Variants in JMJD1C observed in about 807,000 individuals in gnomAD.
JMJD1C encodes the protein jumonji domain-containing protein 1C.
JMJD1C carries 31 observed loss-of-function variants against 245.3 expected under a neutral mutation model. That is an observed-to-expected ratio of 0.13 (90% CI 0.09 to 0.17). The LOEUF (loss-of-function observed/expected upper bound fraction) is 0.17. JMJD1C is among the 10% of genes least tolerant of loss of function. The pLI, the probability that JMJD1C is intolerant of heterozygous loss-of-function variation, is 1.00. For missense variants in JMJD1C, 2,691 were observed against 3,000.2 expected (o/e 0.90, Z 2.41); for synonymous variants, 1,057 against 1,017.4 (o/e 1.04, Z -0.74).
At chr10:63,347,739 G>A (rs1943979116) in intron 2 of JMJD1C, among the ~76,000 whole-genome samples, 1 of 151,592 alleles carries the variant, frequency 6.6e-6, no homozygotes, top group Admixed American at 6.6e-5. Flanking sequence ...GTGGTGAAAC[G>A]CCCCCACCCT....
In JMJD1C at chr10:63,207,103, T is replaced by C. The variant is rs1846720064; in HGVS notation, c.4566A>G (p.Val1522=). The change falls in exon 10 of 26, where the codon GTA becomes GTG. Residue 1522 remains valine (V), a synonymous_variant. Transcript: ENST00000399262. The part of the protein sequence containing the change: ...LSASLPLDST[V]ICSTINKANS... The stretch of plus-strand genomic sequence containing the variant: ...TTGCTTTGTTAATTGTACTACAGAT[T>C]ACAGTGCTATCCAGAGGAAGGGAGG... The C allele has an allele frequency of 1.2e-6, 2 of 1,614,094 alleles. No homozygotes were observed. Among genetic ancestry groups the C allele is most frequent in the Non-Finnish European group, 1.7e-6 (2 of 1,180,046 alleles).
At chr10:63,483,060 T>C (rs1157086719) in intron 1 of JMJD1C, among the ~76,000 whole-genome samples, 1 of 152,210 alleles carries the variant, frequency 6.6e-6, no homozygotes, top group Non-Finnish European at 1.5e-5. Context: ...GGAACTCATC[T>C]CAAATTATAA....
intron 1 of JMJD1C, among the ~76,000 whole-genome samples, chr10:63,493,630 G>A (rs1297902851): frequency 4.6e-5 from 7 of 151,974 alleles, no homozygotes; most frequent in Non-Finnish European, 8.8e-5. Context: ...TTACAGGCGT[G>A]AGCCACCACA....
At chr10:63,419,703 T>C (rs1428862442) in intron 1 of JMJD1C, among the ~76,000 whole-genome samples, 1 of 152,118 alleles carries the variant, frequency 6.6e-6, no homozygotes, top group Non-Finnish European at 1.5e-5. Context: ...AGTTCCTTTA[T>C]GGTCTGCAGT....
intron 3 of JMJD1C, among the ~76,000 whole-genome samples, chr10:63,244,808 TA>T (rs1350484283): frequency 7.0e-5 from 6 of 86,234 alleles, no homozygotes; most frequent in Non-Finnish European, 1.0e-4. Context: ...CTCCTTCTCT[TA>T]AAAAAAAAGG....
At chr10:63,190,304 A>C (rs1001466988) in intron 17 of JMJD1C, among the ~76,000 whole-genome samples, 1 of 151,948 alleles carries the variant, frequency 6.6e-6, no homozygotes, top group African/African-American at 2.4e-5. Flanking sequence ...TCCTGGGTTT[A>C]AGCAATTCTC....
chr10:63,487,589 A>G (rs1332033219), intron 1 of JMJD1C, among the ~76,000 whole-genome samples: 1 of 152,226 alleles, frequency 6.6e-6, no homozygotes, highest in East Asian at 1.9e-4. Flanking sequence ...TCCTAGGCAC[A>G]TCAATGGGAA....
Position 63,476,436 on chromosome 10 carries a change from C to A in JMJD1C, n.113+45302G>T, listed in dbSNP as rs1447794136. Among the ~76,000 whole-genome samples the A allele has an allele frequency of 2.0e-5, 3 of 151,888 alleles. 1 individual carries two copies. The highest frequency in any genetic ancestry group is 7.3e-5 in the African/African-American group (3 of 41,338). On this transcript the variant is annotated intron_variant and non_coding_transcript_variant, in intron 1 of 3. Coordinates refer to the JMJD1C transcript ENST00000633035. ...CATAAAATGATGACTGGCATTCAATCAAAAATTATAGGCTGGACAGAGTAG... is the reference window on the plus strand; with the variant it reads ...CATAAAATGATGACTGGCATTCAATAAAAAATTATAGGCTGGACAGAGTAG...
At chr10:63,424,376 G>T (rs570578073) in intron 1 of JMJD1C, among the ~76,000 whole-genome samples, 2 of 151,042 alleles carry the variant, frequency 1.3e-5, no homozygotes, top group East Asian at 1.9e-4. Context: ...CTGTATTTTT[G>T]AAATGAAAAA....
chr10:63,351,079 T>C (rs2134288268), intron 2 of JMJD1C, among the ~76,000 whole-genome samples: 1 of 150,910 alleles, frequency 6.6e-6, no homozygotes, highest in African/African-American at 2.4e-5. Context: ...CAGAAATTTT[T>C]CTTTTTTTTT....
intron 1 of JMJD1C, among the ~76,000 whole-genome samples, chr10:63,473,524 G>C (rs1953559505): frequency 6.6e-6 from 1 of 151,976 alleles, no homozygotes; most frequent in Non-Finnish European, 1.5e-5. Context: ...TGGGATTTCA[G>C]GCATGAGCCA....
At chr10:63,380,164 C>T in intron 2 of JMJD1C, 154 bp downstream of exon 2, 3 of 644,086 alleles carry the variant, frequency 4.7e-6, no homozygotes, top group Non-Finnish European at 7.9e-6. Flanking sequence ...GGCTGATCTC[C>T]AACTCCTGGC....
intron 3 of JMJD1C, among the ~76,000 whole-genome samples, chr10:63,224,514 C>G (rs943793303): frequency 6.6e-6 from 1 of 152,120 alleles, no homozygotes; most frequent in African/African-American, 2.4e-5. Context: ...GTTACATCAT[C>G]ATTCCCATTT....
chr10:63,331,594 C>A (rs1197134620), intron 2 of JMJD1C, among the ~76,000 whole-genome samples: 1 of 152,130 alleles, frequency 6.6e-6, no homozygotes. Flanking sequence ...AACAGAATGT[C>A]AGAGAAGTTC....
chr10:63,460,170 C>T (rs10995540), intron 1 of JMJD1C, among the ~76,000 whole-genome samples: 3 of 151,940 alleles, frequency 2.0e-5, no homozygotes, highest in Admixed American at 6.6e-5. Flanking sequence ...ATGGATACTG[C>T]GGAGGGGAAG....
chr10:63,385,108 G>C (rs1947484456), intron 1 of JMJD1C, among the ~76,000 whole-genome samples: 1 of 152,076 alleles, frequency 6.6e-6, no homozygotes, highest in South Asian at 2.1e-4. Flanking sequence ...CAAGAAGAGG[G>C]AAAGAGACAG....
At position 63,189,337 on chromosome 10, in the gene JMJD1C, T is replaced by C. The variant is rs747616915; in HGVS notation, c.6401A>G (p.Glu2134Gly). Residue 2134 changes from glutamate to glycine, a missense_variant, in exon 18 of 26, where the codon GAG becomes GGG. By Grantham distance (98) the Glu-to-Gly change is moderately conservative. This residue lies in a region of JMJD1C where 275 missense variants were observed against 285.5 expected (regional missense o/e 0.96). Coordinates refer to ENST00000399262, the MANE Select transcript of JMJD1C (RefSeq NM_032776.3). ...SKTSKINVKP[E>G]LKEEPEESII... ...GCTTTCTTCAGGCTCTTCTTTAAGC[T>C]CTGGTTTTACATTTATCTTGGAGGT... is the stretch of plus-strand genomic sequence containing the variant. 23 of 1,613,822 alleles carry C rather than the reference T, an allele frequency of 1.4e-5. No individual in the cohort carries two copies. Among genetic ancestry groups the C allele is most frequent in the Non-Finnish European group, 1.6e-5 (19 of 1,179,922 alleles).
Position 63,281,112 on chromosome 10 carries a change from G to A in JMJD1C, c.334-16348C>T, listed in dbSNP as rs187035039. Reference sequence around the variant, plus strand: ...CTTCCAAAGTGCTGGGATTACAGGCGTGAGCCACCACACCCGGCCTTTTTT... The same window carrying A: ...CTTCCAAAGTGCTGGGATTACAGGCATGAGCCACCACACCCGGCCTTTTTT... On this transcript the variant is annotated intron_variant, in intron 2 of 25. Transcript: ENST00000399262. 1.3e-4 allele frequency among the ~76,000 whole-genome samples: 19 copies of A among 149,842 alleles called. No homozygotes were observed. In the East Asian group the frequency reaches 2.8e-3, roughly 22 times the overall value.
In JMJD1C at chr10:63,311,269, C is replaced by T. The variant is rs377599904; in HGVS notation, c.334-46505G>A. On this transcript the variant is annotated intron_variant, in intron 2 of 25. Coordinates refer to ENST00000399262, the MANE Select transcript of JMJD1C (RefSeq NM_032776.3). Reference sequence around the variant, plus strand: ...TGATGGGCAGCTGTAATCCCAGCTACTCGGGAGACTGAGGCAGGAGAATCA... The same window carrying T: ...TGATGGGCAGCTGTAATCCCAGCTATTCGGGAGACTGAGGCAGGAGAATCA... Among the ~76,000 whole-genome samples, 4 of 151,034 alleles carry T rather than the reference C, an allele frequency of 2.6e-5. No homozygotes were observed. The East Asian group carries it at 5.8e-4, about 22-fold the overall frequency.
Sources: gnomAD v4.1 joint callset for allele counts (sites outside exome capture counted in the v4.1 genomes callset) on GRCh38, gnomAD v4.1.1 for gene constraint, gnomAD v4.1.1 regional missense constraint, MANE v1.5 for transcripts, NCBI Gene and HGNC (gene_info 2026-07-23, HGNC 2026-07-21) for gene names.